ADGRG6: variants seen among roughly 807,000 people sequenced by gnomAD.
ADGRG6 encodes G-protein coupled receptor 126.
In ADGRG6, 84 loss-of-function variants were observed where a neutral mutation model predicts 142.4. The ratio of observed to expected loss-of-function variants is 0.59; its 90% CI spans 0.49 to 0.71. The LOEUF is 0.71. ADGRG6 is among the 30% of genes least tolerant of loss of function. ADGRG6 has a pLI of 0.00. For synonymous variants in ADGRG6, 521 were observed against 520.5 expected (o/e 1.00, Z -0.01); for missense variants, 1,367 against 1,466.6 (o/e 0.93, Z 1.11).
Position 142,443,620 on chromosome 6 carries a change from A to C in ADGRG6, c.*105A>C. ...TGCTATTACCTAGGTAACTGCATAT[A>C]TATAAGGAATGTATTTTGTTAAGAA... On this transcript the variant is annotated 3_prime_UTR_variant, in exon 25 of 25. Transcript: ENST00000367609. 1 of 650,538 alleles carries C rather than the reference A, an allele frequency of 1.5e-6. No homozygotes were observed. The highest frequency in any genetic ancestry group is 2.4e-5 in the South Asian group (1 of 41,202). The allele number at this position is 650,538 out of a possible 1,614,324, so 40.3% of individuals were successfully genotyped here.
rs933450271 is a variant in ADGRG6, at chr6:142,415,937, G to C, written c.2811G>C (p.Leu937Phe). Residue 937 changes from leucine (L) to phenylalanine (F), a missense_variant, in exon 20 of 25, where the codon TTG (leucine) becomes TTC (phenylalanine). By Grantham distance (22) the Leu-to-Phe change is conservative. Around this residue, in one of 3 missense-constraint regions of ADGRG6, gnomAD observed 286 missense variants for 371.4 expected, o/e 0.77. Coordinates refer to ENST00000367609, the MANE Select transcript of ADGRG6 (RefSeq NM_198569.3). ...DGLCIAVAVL[L>F]HFFLLATFTW... ...TTTGCATTGCTGTTGCAGTCCTGTT[G>C]CATTTCTTCCTTCTGGCAACCTTTA... The C allele has an allele frequency of 5.6e-6, 9 of 1,613,500 alleles. No homozygotes were observed. In the African/African-American group the frequency reaches 1.2e-4, roughly 22 times the overall value.
intron 7 of ADGRG6, among the ~76,000 whole-genome samples, chr6:142,391,046 T>A (rs2114972091): frequency 6.6e-6 from 1 of 151,964 alleles, no homozygotes; most frequent in Non-Finnish European, 1.5e-5. Context: ...GATCTTCTGT[T>A]GATGGACAGT....
At chr6:142,396,460 T>C (rs940018756) in intron 9 of ADGRG6, among the ~76,000 whole-genome samples, 1 of 152,210 alleles carries the variant, frequency 6.6e-6, no homozygotes, top group Non-Finnish European at 1.5e-5. Context: ...AAACTTGAGC[T>C]ATTCTTTAAT....
chr6:142,435,688 C>G (rs1777452159), intron 22 of ADGRG6, among the ~76,000 whole-genome samples: 1 of 152,024 alleles, frequency 6.6e-6, no homozygotes, highest in Non-Finnish European at 1.5e-5. Context: ...TATCCCTGTT[C>G]TCTTGGAGCT....
In ADGRG6 at chr6:142,411,291, G is replaced by A. The variant is rs1277161000; in HGVS notation, c.2435-14G>A. On this transcript the variant is annotated splice_polypyrimidine_tract_variant and intron_variant, in intron 17 of 24. Coordinates refer to ENST00000367609, the MANE Select transcript of ADGRG6 (RefSeq NM_198569.3). The stretch of plus-strand genomic sequence containing the variant: ...ACCTGCTGTTTTCACACTGTTTGTT[G>A]ATTCCTTCAACAGAAAGTTTTGGAG... 2.1e-6 allele frequency: 3 copies of A among 1,431,820 alleles called. No individual in the cohort carries two copies. Among genetic ancestry groups the A allele is most frequent in the African/African-American group, 2.8e-5 (2 of 71,518 alleles). 88.7% of individuals were successfully genotyped at this position (1,431,820 alleles called of 1,614,324 possible).
chr6:142,411,431 G>T lies in ADGRG6; in HGVS notation c.2541+20G>T, dbSNP rs1251015766. On this transcript the variant is annotated intron_variant, in intron 18 of 24. Coordinates refer to ENST00000367609, the MANE Select transcript of ADGRG6 (RefSeq NM_198569.3). The stretch of plus-strand genomic sequence containing the variant: ...CTGATGGTAAGGGGGGAATTTCTAA[G>T]CTCATTTTGACATGCTGTAACTTTG... 8.0e-7 allele frequency: 1 copy of T among 1,245,908 alleles called. No homozygotes were observed. 77.2% of individuals were successfully genotyped at this position (1,245,908 alleles called of 1,614,324 possible). A position where few individuals can be genotyped will look rare whatever the true frequency, so the allele number is the denominator to read the frequency against.
chr6:142,416,728 C>T (rs1230872665), intron 20 of ADGRG6, among the ~76,000 whole-genome samples: 1 of 152,194 alleles, frequency 6.6e-6, no homozygotes, highest in Non-Finnish European at 1.5e-5. Flanking sequence ...TAAGCACACT[C>T]TTCAGAGACC....
At position 142,326,307 on chromosome 6, in the gene ADGRG6, C is replaced by CA. The variant is rs74763325; in HGVS notation, c.103+16676dup. Among the ~76,000 whole-genome samples the CA allele has an allele frequency of 7.3e-3, 965 of 131,452 alleles. 8 individuals carry two copies. The highest frequency in any genetic ancestry group is 0.021 in the African/African-American group (754 of 35,856). 86.2% of individuals were successfully genotyped at this position (131,452 alleles called of 152,430 possible). On this transcript the variant is annotated intron_variant, in intron 2 of 24. Transcript: ENST00000367609. ...ATTGTTTCTCTGCATGTCCTCCCAG[C>CA]AAAAAAAAAAAAAGATTTTTCTTAA...
chr6:142,401,553 C>T (rs1185449574), intron 11 of ADGRG6, among the ~76,000 whole-genome samples: 1 of 152,062 alleles, frequency 6.6e-6, no homozygotes, highest in Admixed American at 6.6e-5. Context: ...GTTTTATTTT[C>T]AAAGGAAACT....
rs188880394 is a variant in ADGRG6 at position 142,324,694 on chromosome 6, A to C, written c.103+15050A>C. Reference sequence around the variant, plus strand: ...AAATGGAGCAGCAAAGTATTTTCTGAATCTCCAGTTTTCCTCCATCTGTCA... The same window carrying C: ...AAATGGAGCAGCAAAGTATTTTCTGCATCTCCAGTTTTCCTCCATCTGTCA... On this transcript the variant is annotated intron_variant, in intron 2 of 24. Transcript: ENST00000367609. Among the ~76,000 whole-genome samples the C allele has an allele frequency of 2.6e-4, 40 of 152,208 alleles. No individual in the cohort carries two copies. In the East Asian group the frequency reaches 6.6e-3, roughly 25 times the overall value.
chr6:142,317,381 G>A (rs556505180), intron 2 of ADGRG6, among the ~76,000 whole-genome samples: 8 of 152,104 alleles, frequency 5.3e-5, no homozygotes, highest in Admixed American at 1.3e-4. Context: ...TGTAGCAAAT[G>A]AATTGAATTG....
chr6:142,319,588 A>T (rs1778419125), intron 2 of ADGRG6, among the ~76,000 whole-genome samples: 1 of 152,058 alleles, frequency 6.6e-6, no homozygotes, highest in Admixed American at 6.6e-5. Flanking sequence ...CATTTAAATC[A>T]GATTTACCAC....
At chr6:142,435,513 C>T (rs1206925832) in intron 22 of ADGRG6, among the ~76,000 whole-genome samples, 14 of 151,516 alleles carry the variant, frequency 9.2e-5, no homozygotes, top group South Asian at 2.1e-4. Context: ...TTAACCTCCA[C>T]GTCTCCAAAC....
intron 24 of ADGRG6, among the ~76,000 whole-genome samples, chr6:142,442,097 T>C (rs1562399015): frequency 1.3e-5 from 2 of 152,152 alleles, no homozygotes; most frequent in East Asian, 3.9e-4. Context: ...TTACCAATTA[T>C]TGATGGATTT....
At chr6:142,338,006 C>CTTTTTTTTTTTTTTT in intron 2 of ADGRG6, among the ~76,000 whole-genome samples, 5 of 68,136 alleles carry the variant, frequency 7.3e-5, no homozygotes, top group East Asian at 4.2e-4. Context: ...CTTTTTATGC[C>CTTTTTTTTTTTTTTT]TTGTATCTTT....
chr6:142,302,292 C>T lies in ADGRG6; in HGVS notation c.-38C>T, dbSNP rs1284387985. 6.2e-7 allele frequency: 1 copy of T among 1,610,656 alleles called. No individual in the cohort carries two copies. Among genetic ancestry groups the T allele is most frequent in the Non-Finnish European group, 8.5e-7 (1 of 1,178,204 alleles). On this transcript the variant is annotated 5_prime_UTR_variant, in exon 1 of 25. Coordinates refer to ENST00000367609, the MANE Select transcript of ADGRG6 (RefSeq NM_198569.3). ...GAGCGGGAAAGTGGTGGAGGATGAT[C>T]TTGCGGCCAAAGGGGACCTCGGCGC...
chr6:142,393,330 C>A (rs1407362091), intron 8 of ADGRG6, among the ~76,000 whole-genome samples: 1 of 152,126 alleles, frequency 6.6e-6, no homozygotes, highest in Non-Finnish European at 1.5e-5. Flanking sequence ...TAGAGCACCC[C>A]CTGGTTGTGT....
At chr6:142,405,327 C>T (rs563697265) in intron 14 of ADGRG6, 147 of 460,744 alleles carry the variant, frequency 3.2e-4, no homozygotes, top group African/African-American at 2.1e-3. Context: ...CTCTCCCTTG[C>T]CCCTTTCTCC....
chr6:142,422,458 T>G (rs1276125490), intron 22 of ADGRG6, among the ~76,000 whole-genome samples: 2 of 152,148 alleles, frequency 1.3e-5, no homozygotes, highest in Non-Finnish European at 2.9e-5. Context: ...AATGATGATT[T>G]CCAATTTCAT....
Sources: gnomAD v4.1 joint callset for allele counts (sites outside exome capture counted in the v4.1 genomes callset) on GRCh38, gnomAD v4.1.1 for gene constraint, gnomAD v4.1.1 regional missense constraint, MANE v1.5 for transcripts, NCBI Gene and HGNC (gene_info 2026-07-23, HGNC 2026-07-21) for gene names.